Variants in SRRT observed in about 807,000 individuals in gnomAD.
SRRT encodes the protein serrate, RNA effector molecule.
A neutral mutation model predicts 103.2 loss-of-function variants in SRRT; 32 were observed. The observed-to-expected ratio is 0.31, with a 90% CI of 0.23 to 0.42. The LOEUF is 0.42. SRRT is among the 10% of genes least tolerant of loss of function. The probability of loss-of-function intolerance (pLI) is 1.00; values close to 1 mark genes in which losing one functional copy is unlikely to be tolerated. For missense variants in SRRT, 986 were observed against 1,207.5 expected (o/e 0.82, Z 2.72); for synonymous variants, 525 against 449.0 (o/e 1.17, Z -2.14).
chr7:100,887,451 T>G lies in SRRT; in HGVS notation c.2107T>G (p.Ser703Ala). ...GCAGGAAGTGGAGAAGTTCGTCACC[T>G]CCAACACGCAGGAACTGGGCAAGGA... The part of the protein sequence containing the change: ...PEQEVEKFVT[S>A]NTQELGKDKW... The change falls in exon 16 of 20, where the codon TCC (serine) becomes GCC (alanine). Residue 703 changes from serine (S) to alanine (A), a missense_variant. Physicochemically the swap from Ser to Ala is moderately conservative, Grantham distance 99. Coordinates refer to ENST00000611405, the MANE Select transcript of SRRT (RefSeq NM_015908.6). This position sits in a 1 kb window ranked among gnomAD's most constrained non-coding sequence, Gnocchi z 4.1. 1 of 1,614,064 alleles carries G rather than the reference T, an allele frequency of 6.2e-7. No individual in the cohort carries two copies.
At chr7:100,886,092 G>C in intron 12 of SRRT, 151 bp downstream of exon 12, 1 of 1,264,614 alleles carries the variant, frequency 7.9e-7, no homozygotes, top group Non-Finnish European at 1.1e-6. Context: ...CAAGGCTCTA[G>C]GGCGTTAGCA....
chr7:100,875,861 G>T, intron 2 of SRRT, 149 bp downstream of exon 2: 7 of 969,252 alleles, frequency 7.2e-6, no homozygotes, highest in Non-Finnish European at 1.1e-5. Context: ...CCTATTTGCT[G>T]TTGGCCAAAT....
chr7:100,885,021 G>A lies in SRRT; in HGVS notation c.1140G>A (p.Glu380=), dbSNP rs1349889996. The change falls in exon 9 of 20, where the codon GAG becomes GAA. Residue 380 remains glutamate (E), a synonymous_variant. Transcript: ENST00000611405. This position sits in a 1 kb window ranked among gnomAD's most constrained non-coding sequence, Gnocchi z 4.8. ...SESESESGQA[E]EEKEEAEEAL... is the part of the protein sequence containing the mutation. ...CGGAGTCAGAGAGCGGCCAGGCTGA[G>A]GAGGAGAAGGAGGAGGCCGGTAGGG... is the stretch of plus-strand genomic sequence containing the variant. 2 of 1,613,978 alleles carry A rather than the reference G, an allele frequency of 1.2e-6. No individual in the cohort carries two copies. The highest frequency in any genetic ancestry group is 1.7e-6 in the Non-Finnish European group (2 of 1,180,008).
Position 100,885,861 on chromosome 7 carries a change from A to G in SRRT, c.1380-2A>G. On this transcript the variant is annotated splice_acceptor_variant, in intron 11 of 19. Coordinates refer to ENST00000611405, the MANE Select transcript of SRRT (RefSeq NM_015908.6). LOFTEE classifies it high-confidence loss of function. The surrounding 1 kb of genome is among the most constrained non-coding windows in gnomAD (Gnocchi z 4.8). Reference sequence around the variant, plus strand: ...TATGCTAACATTTTCTTTCTTGTGTAGGTTTTTCCGTCGTGGCTGGGTGAC... The same window carrying G: ...TATGCTAACATTTTCTTTCTTGTGTGGGTTTTTCCGTCGTGGCTGGGTGAC... 1 of 1,614,100 alleles carries G rather than the reference A, an allele frequency of 6.2e-7. No individual in the cohort carries two copies. The highest frequency in any genetic ancestry group is 8.5e-7 in the Non-Finnish European group (1 of 1,180,018).
In SRRT at chr7:100,887,299, T is replaced by C; in HGVS notation, c.1976-21T>C. ...TTCTGGCTCCCTTGCCAACCTTCCT[T>C]CCTCTGTTCCCAAACCACAGTGCTG... On this transcript the variant is annotated intron_variant, in intron 15 of 19. Coordinates refer to ENST00000611405, the MANE Select transcript of SRRT (RefSeq NM_015908.6). The surrounding 1 kb of genome is among the most constrained non-coding windows in gnomAD (Gnocchi z 4.1). The C allele has an allele frequency of 3.7e-6, 6 of 1,611,420 alleles. No individual in the cohort carries two copies. Among genetic ancestry groups the C allele is most frequent in the Non-Finnish European group, 5.1e-6 (6 of 1,177,976 alleles).
At chr7:100,879,443 C>G (rs1313314641) in intron 2 of SRRT, among the ~76,000 whole-genome samples, 1 of 152,082 alleles carries the variant, frequency 6.6e-6, no homozygotes, top group Non-Finnish European at 1.5e-5. Flanking sequence ...TCAACAGATT[C>G]AGTGTAGAAG....
At chr7:100,878,964 C>G (rs756632676) in intron 2 of SRRT, among the ~76,000 whole-genome samples, 1 of 146,526 alleles carries the variant, frequency 6.8e-6, no homozygotes, top group Non-Finnish European at 1.5e-5. Context: ...TTCTTTCTTT[C>G]ATTCTTTCTT....
rs1790420187 is a variant in SRRT, at chr7:100,888,566, C to T, written c.*17C>T. ...TTCTTTTGAGCCGTCCCCCGTTCCT[C>T]AGTCCTGTATCATCCATACTTGTAC... On this transcript the variant is annotated 3_prime_UTR_variant, in exon 20 of 20. Transcript: ENST00000611405. 6 of 1,614,122 alleles carry T rather than the reference C, an allele frequency of 3.7e-6. No homozygotes were observed. In the East Asian group the frequency reaches 8.9e-5, roughly 24 times the overall value.
At chr7:100,881,836 G>A in intron 4 of SRRT, 31 bp downstream of exon 4, 1 of 1,569,132 alleles carries the variant, frequency 6.4e-7, no homozygotes, top group Non-Finnish European at 8.6e-7. Context: ...AAGAGGGTTG[G>A]TAGGCCTGGG....
intron 2 of SRRT, among the ~76,000 whole-genome samples, chr7:100,878,019 A>G (rs1160550284): frequency 1.3e-5 from 2 of 152,194 alleles, no homozygotes; most frequent in African/African-American, 4.8e-5. Context: ...TCCAGTGAAA[A>G]TTAAAATTTT....
intron 1 of SRRT, 103 bp from the exon 2 acceptor site, chr7:100,875,470 G>A (rs1329749434): frequency 2.6e-6 from 4 of 1,559,362 alleles, no homozygotes; most frequent in African/African-American, 2.7e-5. Context: ...GCCGCGGAGG[G>A]CTGGCCTTGG....
Position 100,881,721 on chromosome 7 carries a change from G to A in SRRT, c.314G>A (p.Gly105Glu), listed in dbSNP as rs759098985. The A allele has an allele frequency of 6.2e-7, 1 of 1,614,036 alleles. No homozygotes were observed. Among genetic ancestry groups the A allele is most frequent in the South Asian group, 1.1e-5 (1 of 91,086 alleles). The part of the protein sequence containing the change: ...GYEMPYAGGG[G>E]GPTYGPPQPW... The stretch of plus-strand genomic sequence containing the variant: ...GAGATGCCCTATGCTGGGGGGGGTG[G>A]GGGCCCAACTTATGGCCCCCCTCAG... Residue 105 changes from glycine to glutamate, a missense_variant, in exon 4 of 20, where the codon GGG becomes GAG. By Grantham distance (98) the Gly-to-Glu change is moderately conservative (BLOSUM62 -2). Coordinates refer to ENST00000611405, the MANE Select transcript of SRRT (RefSeq NM_015908.6).
In SRRT at chr7:100,882,478, A is replaced by G; in HGVS notation, c.587+237A>G. On this transcript the variant is annotated intron_variant, in intron 5 of 19. Transcript: ENST00000611405. This position sits in a 1 kb window ranked among gnomAD's most constrained non-coding sequence, Gnocchi z 4.2. ...CTCAGAGAGTGGGACACCTCCAGGC[A>G]GCAGGCCAGAGCCACTTGGCCCCTT... 2.2e-6 allele frequency: 1 copy of G among 448,450 alleles called. No individual in the cohort carries two copies. Among genetic ancestry groups the G allele is most frequent in the Non-Finnish European group, 4.0e-6 (1 of 249,672 alleles). 27.8% of individuals were successfully genotyped at this position (448,450 alleles called of 1,614,324 possible).
intron 13 of SRRT, 83 bp downstream of exon 13, chr7:100,886,518 C>T: frequency 7.2e-7 from 1 of 1,385,222 alleles, no homozygotes; most frequent in South Asian, 1.4e-5. Context: ...CTATCTGTAG[C>T]CTTGAACCCT....
chr7:100,885,194 T>A lies in SRRT; in HGVS notation c.1160-19T>A, dbSNP rs1237061228. The A allele has an allele frequency of 3.7e-6, 6 of 1,610,378 alleles. No individual in the cohort carries two copies. The highest frequency in any genetic ancestry group is 1.7e-4 in the Middle Eastern group (1 of 6,042). On this transcript the variant is annotated intron_variant, in intron 9 of 19. Coordinates refer to ENST00000611405, the MANE Select transcript of SRRT (RefSeq NM_015908.6). The surrounding 1 kb of genome is among the most constrained non-coding windows in gnomAD (Gnocchi z 4.8). ...TAATAAAAATGCACCAACTCCTTCC[T>A]ACCCCCCTTCCTGCCTAGAAGAAGC...
rs769000726 is a variant in SRRT at position 100,887,070 on chromosome 7, C to T, written c.1845C>T (p.Tyr615=). 11 of 1,614,130 alleles carry T rather than the reference C, an allele frequency of 6.8e-6. No homozygotes were observed. The highest frequency in any genetic ancestry group is 1.6e-4 in the Middle Eastern group (1 of 6,084). Residue 615 remains tyrosine (Y), a synonymous_variant, in exon 15 of 20, where the codon TAC becomes TAT. Coordinates refer to ENST00000611405, the MANE Select transcript of SRRT (RefSeq NM_015908.6). The surrounding 1 kb of genome is among the most constrained non-coding windows in gnomAD (Gnocchi z 4.1). ...LIKVLDKLLL[Y]LRIVHSLDYY... is the part of the protein sequence containing the mutation. ...AGGTCTTGGACAAGCTCCTCCTTTA[C>T]CTGCGCATCGTGCATTCCTTGGATT...
chr7:100,880,246 G>C lies in SRRT; in HGVS notation c.123-1039G>C, dbSNP rs192358717. 1.4e-4 allele frequency among the ~76,000 whole-genome samples: 21 copies of C among 152,300 alleles called. No homozygotes were observed. In the East Asian group the frequency reaches 3.9e-3, roughly 28 times the overall value. On this transcript the variant is annotated intron_variant, in intron 2 of 19. Transcript: ENST00000611405. ...CCGTTGATACAGCAGAGTGGGGAGCGGGAGGAGGAAAAGACATTTGGGCCC... is the reference window on the plus strand; with the variant it reads ...CCGTTGATACAGCAGAGTGGGGAGCCGGAGGAGGAAAAGACATTTGGGCCC...
rs1303350097 is a variant in SRRT, at chr7:100,888,584, A to T, written c.*35A>T. 4.3e-6 allele frequency: 7 copies of T among 1,612,066 alleles called. No individual in the cohort carries two copies. The highest frequency in any genetic ancestry group is 5.9e-6 in the Non-Finnish European group (7 of 1,178,302). On this transcript the variant is annotated 3_prime_UTR_variant, in exon 20 of 20. Coordinates refer to ENST00000611405, the MANE Select transcript of SRRT (RefSeq NM_015908.6). ...CGTTCCTCAGTCCTGTATCATCCAT[A>T]CTTGTACTACCTTGTCCTATGAAGC...
chr7:100,885,763 G>T lies in SRRT; in HGVS notation c.1379+1G>T. ...TCTCAGAGCCCCAGCCAGAGAGGAG[G>T]TGAGTAACTCGGTGCGTTGGAGGGA... On this transcript the variant is annotated splice_donor_variant, in intron 11 of 19. Coordinates refer to ENST00000611405, the MANE Select transcript of SRRT (RefSeq NM_015908.6). LOFTEE classifies it high-confidence loss of function. This position sits in a 1 kb window ranked among gnomAD's most constrained non-coding sequence, Gnocchi z 4.8. The T allele has an allele frequency of 1.2e-6, 2 of 1,614,196 alleles. No individual in the cohort carries two copies. The highest frequency in any genetic ancestry group is 1.7e-6 in the Non-Finnish European group (2 of 1,180,028).
Sources: allele counts gnomAD v4.1 joint callset (sites outside exome capture counted in the v4.1 genomes callset), GRCh38; gene constraint gnomAD v4.1.1; non-coding constraint Gnocchi (gnomAD v3.1); transcripts MANE v1.5; gene names NCBI Gene and HGNC (gene_info 2026-07-23, HGNC 2026-07-21).